The following LNX1 variants were observed in gnomAD, a reference collection of about 807,000 sequenced individuals.
The protein encoded by LNX1 is E3 ubiquitin-protein ligase LNX.
LNX1 carries 54 observed loss-of-function variants against 68.4 expected under a neutral mutation model. The observed-to-expected ratio is 0.79, with a 90% CI of 0.63 to 0.99. LNX1 has a LOEUF of 0.99. Among genes scored for constraint, LNX1 ranks in the 50% least tolerant of loss-of-function variants. LNX1 has a pLI of 0.00. For missense variants in LNX1, 906 were observed against 926.4 expected, an observed-to-expected ratio of 0.98 and a Z score of 0.29; for synonymous variants, 336 against 350.0, an observed-to-expected ratio of 0.96 and a Z score of 0.45.
At position 53,507,482 on chromosome 4, in the gene LNX1, G is replaced by A. The variant is rs550808119; in HGVS notation, c.623-13C>T. On this transcript the variant is annotated splice_polypyrimidine_tract_variant and intron_variant, in intron 3 of 10. Transcript: ENST00000263925. ...TCAAAGGGCCGTGCTGAGGAATAGC[G>A]ACAGGAGGAACAGTAGTTATGATTT... The A allele has an allele frequency of 1.7e-5, 28 of 1,612,162 alleles. No individual in the cohort carries two copies. Among genetic ancestry groups the A allele is most frequent in the African/African-American group, 8.0e-5 (6 of 74,962 alleles).
In LNX1 at chr4:53,507,412, G is replaced by T. The variant is rs147992678; in HGVS notation, c.680C>A (p.Ala227Asp). 2 of 1,613,988 alleles carry T rather than the reference G, an allele frequency of 1.2e-6. No individual in the cohort carries two copies. The highest frequency in any genetic ancestry group is 1.7e-6 in the Non-Finnish European group (2 of 1,179,998). ...RSRSFKKINR[A>D]LSVLRRTKSG... ...CTTTGTCCTTCGAAGAACACTCAAA[G>T]CTCGATTTATTTTTTTAAATGATCT... Residue 227 changes from alanine to aspartate, a missense_variant, in exon 4 of 11, where the codon GCT (alanine) becomes GAT (aspartate). By Grantham distance (126) the Ala-to-Asp change is moderately radical. Transcript: ENST00000263925.
chr4:53,515,741 A>T (rs984761132), intron 2 of LNX1, among the ~76,000 whole-genome samples: 1 of 152,154 alleles, frequency 6.6e-6, no homozygotes, highest in Non-Finnish European at 1.5e-5. Flanking sequence ...CACTCATGGG[A>T]GGGTCTTCTA....
At chr4:53,493,922 G>A (rs73816885) in intron 6 of LNX1, among the ~76,000 whole-genome samples, 111 of 152,192 alleles carry the variant, frequency 7.3e-4, no homozygotes, top group African/African-American at 2.3e-3. Flanking sequence ...GAATGCCCCC[G>A]TGGCTTTGCG....
intron 5 of LNX1, among the ~76,000 whole-genome samples, chr4:53,497,581 G>A (rs1725157192): frequency 6.6e-6 from 1 of 152,198 alleles, no homozygotes; most frequent in African/African-American, 2.4e-5. Context: ...GGGGAGTCAG[G>A]GTTGCCTGCT....
chr4:53,479,888 AC>A (rs1378394144), intron 7 of LNX1, among the ~76,000 whole-genome samples: 1 of 152,150 alleles, frequency 6.6e-6, no homozygotes, highest in Non-Finnish European at 1.5e-5. Flanking sequence ...GTACCTCAAA[AC>A]CCTACATCAG....
intron 1 of LNX1, among the ~76,000 whole-genome samples, chr4:53,649,311 A>G (rs1282871401): frequency 6.6e-6 from 1 of 152,218 alleles, no homozygotes; most frequent in Admixed American, 6.5e-5. Context: ...ACACTATGTA[A>G]AAGAATTTAA....
chr4:53,640,548 G>A (rs535947722), intron 1 of LNX1, among the ~76,000 whole-genome samples: 17 of 152,246 alleles, frequency 1.1e-4, no homozygotes, highest in African/African-American at 3.1e-4. Context: ...TAAAAATAAA[G>A]AATCAAAAGT....
intron 9 of LNX1, among the ~76,000 whole-genome samples, chr4:53,470,138 C>G (rs1437541813): frequency 9.2e-5 from 14 of 152,328 alleles, no homozygotes; most frequent in East Asian, 3.9e-4. Flanking sequence ...AAAAGCTTAT[C>G]CACCATGATC....
At chr4:53,461,910 G>C (rs2150550791) in intron 9 of LNX1, among the ~76,000 whole-genome samples, 1 of 152,118 alleles carries the variant, frequency 6.6e-6, no homozygotes, top group African/African-American at 2.4e-5. Context: ...GCAAAAAGTT[G>C]GATAAACCTA....
At chr4:53,601,535 C>T (rs917947575) in intron 2 of LNX1, among the ~76,000 whole-genome samples, 4 of 152,222 alleles carry the variant, frequency 2.6e-5, no homozygotes, top group Admixed American at 6.5e-5. Flanking sequence ...GTTCTGGCCA[C>T]CTGCCCATAA....
intron 6 of LNX1, among the ~76,000 whole-genome samples, chr4:53,489,179 C>T (rs767635134): frequency 6.6e-6 from 1 of 152,104 alleles, no homozygotes; most frequent in South Asian, 2.1e-4. Flanking sequence ...CTTCAATGAG[C>T]TAAAAGCAAT....
chr4:53,477,787 G>C lies in LNX1; in HGVS notation c.1663+778C>G, dbSNP rs1398257087. Among the ~76,000 whole-genome samples the C allele has an allele frequency of 2.6e-5, 4 of 152,044 alleles. No individual in the cohort carries two copies. The East Asian group carries it at 7.7e-4, about 29-fold the overall frequency. On this transcript the variant is annotated intron_variant, in intron 8 of 10. Transcript: ENST00000263925. ...CAGCAAGAGCAAAAAGACAGGAGGA[G>C]AAAAAAGAGAAAGGCCTTGAGTCCT...
At chr4:53,587,031 C>T (rs1041290304) in intron 1 of LNX1, among the ~76,000 whole-genome samples, 2 of 152,144 alleles carry the variant, frequency 1.3e-5, no homozygotes, top group African/African-American at 2.4e-5. Context: ...CAAACATACA[C>T]CATGCACTAA....
chr4:53,623,908 T>C (rs1292156912), intron 1 of LNX1, among the ~76,000 whole-genome samples: 1 of 152,240 alleles, frequency 6.6e-6, no homozygotes, highest in African/African-American at 2.4e-5. Context: ...GCTCAAGTTC[T>C]AGGTTTCGAA....
intron 2 of LNX1, among the ~76,000 whole-genome samples, chr4:53,521,825 C>T (rs1239430409): frequency 1.3e-5 from 2 of 152,118 alleles, no homozygotes; most frequent in Non-Finnish European, 2.9e-5. Flanking sequence ...TACTGCTCTG[C>T]TGGATTCCTC....
At chr4:53,514,394 A>G (rs1448100577) in intron 2 of LNX1, among the ~76,000 whole-genome samples, 2 of 152,236 alleles carry the variant, frequency 1.3e-5, no homozygotes, top group East Asian at 3.8e-4. Flanking sequence ...AAGAGGTTTC[A>G]TGGACACACA....
At chr4:53,581,371 T>G (rs1487674501) in intron 1 of LNX1, among the ~76,000 whole-genome samples, 1 of 152,210 alleles carries the variant, frequency 6.6e-6, no homozygotes, top group Non-Finnish European at 1.5e-5. Flanking sequence ...ATTTTAGAAA[T>G]AGTTTTGTTT....
intron 8 of LNX1, among the ~76,000 whole-genome samples, chr4:53,477,680 C>T (rs372368114): frequency 3.1e-4 from 47 of 152,260 alleles, no homozygotes; most frequent in South Asian, 1.2e-3. Context: ...ATACATCTCC[C>T]CTATTTCCAT....
intron 2 of LNX1, among the ~76,000 whole-genome samples, chr4:53,570,171 C>A (rs1247696892): frequency 7.1e-6 from 1 of 140,354 alleles, no homozygotes; most frequent in Non-Finnish European, 1.5e-5. Context: ...TGGGTATATA[C>A]CCAAAGGACT....
Sources: gnomAD v4.1 joint callset for allele counts (sites outside exome capture counted in the v4.1 genomes callset) on GRCh38, gnomAD v4.1.1 for gene constraint, MANE v1.5 for transcripts, NCBI Gene and HGNC (gene_info 2026-07-23, HGNC 2026-07-21) for gene names.